Variants in NEO1 observed in about 807,000 individuals in gnomAD.
NEO1 encodes neogenin 1.
NEO1 carries 63 observed loss-of-function variants against 159.7 expected under a neutral mutation model. The ratio of observed to expected loss-of-function variants is 0.39; its 90% CI spans 0.32 to 0.49. The LOEUF is 0.49. Ranked by LOEUF, NEO1 falls within the 20% of genes least tolerant of loss-of-function variation. The pLI is 0.85. For missense variants in NEO1, 1,615 were observed against 1,831.0 expected (o/e 0.88, Z 2.15); for synonymous variants, 633 against 662.0 (o/e 0.96, Z 0.67).
intron 7 of NEO1, among the ~76,000 whole-genome samples, chr15:73,197,495 T>TC (rs1423987163): frequency 6.6e-6 from 1 of 152,136 alleles, no homozygotes; most frequent in Non-Finnish European, 1.5e-5. Context: ...GGTCAATTAC[T>TC]CCATTTCATC....
chr15:73,301,202 T>C (rs1567737388), intron 27 of NEO1, 119 bp from the exon 28 acceptor site: 16 of 1,290,532 alleles, frequency 1.2e-5, no homozygotes, highest in Non-Finnish European at 1.7e-5. Context: ...CAGAGCAGTA[T>C]CCCTGCACTG....
At position 73,167,491 on chromosome 15, in the gene NEO1, C is replaced by T. The variant is rs1379906680; in HGVS notation, c.1016-8912C>T. ...TGGGGGCGGGGGAGGCCCATAGGCC[C>T]CTCAAGGGGTTCCTGCTCCATCTGA... On this transcript the variant is annotated intron_variant, in intron 5 of 28. Transcript: ENST00000261908. 2.6e-5 allele frequency among the ~76,000 whole-genome samples: 4 copies of T among 152,202 alleles called. No homozygotes were observed. In the East Asian group the frequency reaches 5.8e-4, roughly 22 times the overall value.
intron 7 of NEO1, among the ~76,000 whole-genome samples, chr15:73,187,466 A>G (rs538173013): frequency 6.6e-6 from 1 of 152,312 alleles, no homozygotes; most frequent in South Asian, 2.1e-4. Context: ...ATGAGAAATA[A>G]CTTAGAATCA....
chr15:73,202,395 C>T (rs2036949982), intron 7 of NEO1, among the ~76,000 whole-genome samples: 1 of 152,046 alleles, frequency 6.6e-6, no homozygotes, highest in African/African-American at 2.4e-5. Flanking sequence ...TTTTGAAGTC[C>T]TTGTTTTAAT....
chr15:73,249,624 G>GA lies in NEO1; in HGVS notation c.1803dup (p.Tyr602IlefsTer5). ...GTCACTCTTACACCATTAATGGGTTGAAAAAATATACAGAGTATAGTTTCC... is the reference window on the plus strand; with the variant it reads ...GTCACTCTTACACCATTAATGGGTTGAAAAAAATATACAGAGTATAGTTTCC... On this transcript the variant is annotated frameshift_variant, in exon 11 of 29. Coordinates refer to ENST00000261908, the MANE Select transcript of NEO1 (RefSeq NM_002499.4). LOFTEE classifies it high-confidence loss of function. 6.2e-7 allele frequency: 1 copy of GA among 1,613,404 alleles called. No homozygotes were observed. The highest frequency in any genetic ancestry group is 8.5e-7 in the Non-Finnish European group (1 of 1,179,750).
At chr15:73,240,543 T>A (rs1388409389) in intron 8 of NEO1, among the ~76,000 whole-genome samples, 2 of 152,176 alleles carry the variant, frequency 1.3e-5, no homozygotes, top group African/African-American at 2.4e-5. Flanking sequence ...CCAGTGAGAA[T>A]TTGGACATAA....
At chr15:73,213,000 C>T (rs2037666611) in intron 7 of NEO1, among the ~76,000 whole-genome samples, 1 of 143,938 alleles carries the variant, frequency 6.9e-6, no homozygotes, top group South Asian at 2.3e-4. Flanking sequence ...ATGCGCCAAA[C>T]TATTAATAGC....
Position 73,274,730 on chromosome 15 carries a change from T to C in NEO1, c.3193+6T>C. On this transcript the variant is annotated splice_donor_region_variant and intron_variant, in intron 21 of 28. Coordinates refer to ENST00000261908, the MANE Select transcript of NEO1 (RefSeq NM_002499.4). ...TAAAATGCCTAATGATCAAGGTAAA[T>C]GAGTAGATGGCCTCTCTTTTCTTTC... 1 of 1,612,930 alleles carries C rather than the reference T, an allele frequency of 6.2e-7. No homozygotes were observed. The highest frequency in any genetic ancestry group is 8.5e-7 in the Non-Finnish European group (1 of 1,179,326).
chr15:73,220,639 T>C (rs1179606963), intron 7 of NEO1, among the ~76,000 whole-genome samples: 1 of 152,198 alleles, frequency 6.6e-6, no homozygotes, highest in Non-Finnish European at 1.5e-5. Context: ...TTTTATTCTT[T>C]TTTCTCTAAA....
intron 1 of NEO1, among the ~76,000 whole-genome samples, chr15:73,059,705 C>T (rs896141529): frequency 1.3e-5 from 2 of 152,098 alleles, no homozygotes; most frequent in South Asian, 4.1e-4. Context: ...AATAGTGCTG[C>T]TTTCCCTCAT....
chr15:73,135,853 T>G (rs1471076828), intron 4 of NEO1, 38 bp from the exon 5 acceptor site: 1 of 1,466,842 alleles, frequency 6.8e-7, no homozygotes, highest in Non-Finnish European at 9.0e-7. Context: ...TTCCTAGTAC[T>G]GAAATGTATC....
intron 5 of NEO1, among the ~76,000 whole-genome samples, chr15:73,147,336 C>T (rs2032985842): frequency 6.6e-6 from 1 of 152,060 alleles, no homozygotes. Context: ...ATTCTGTTTC[C>T]TCCTTAGATT....
intron 5 of NEO1, among the ~76,000 whole-genome samples, chr15:73,142,443 G>A (rs2032483937): frequency 3.3e-5 from 5 of 152,158 alleles, no homozygotes; most frequent in African/African-American, 1.2e-4. Flanking sequence ...AAGTGGTGGA[G>A]CTTGGAAAGT....
rs550910387 is a variant in NEO1, at chr15:73,121,628, C to T, written c.449-897C>T. Reference sequence around the variant, plus strand: ...TTTTGGTGTCCATTGAGGATTCATACGTGAATCAGTTATTACTATCAAATG... The same window carrying T: ...TTTTGGTGTCCATTGAGGATTCATATGTGAATCAGTTATTACTATCAAATG... On this transcript the variant is annotated intron_variant, in intron 2 of 28. Coordinates refer to ENST00000261908, the MANE Select transcript of NEO1 (RefSeq NM_002499.4). Among the ~76,000 whole-genome samples, 88 of 152,236 alleles carry T rather than the reference C, an allele frequency of 5.8e-4. 1 individual carries two copies. In the South Asian group the frequency reaches 6.6e-3, roughly 11 times the overall value.
chr15:73,201,873 T>C (rs545391396), intron 7 of NEO1, among the ~76,000 whole-genome samples: 4 of 152,156 alleles, frequency 2.6e-5, no homozygotes, highest in African/African-American at 9.6e-5. Flanking sequence ...AGTATTAATA[T>C]AGCTAATTAA....
chr15:73,192,364 G>A (rs773377999), intron 7 of NEO1, among the ~76,000 whole-genome samples: 1 of 151,912 alleles, frequency 6.6e-6, no homozygotes, highest in Non-Finnish European at 1.5e-5. Context: ...TATATTACAG[G>A]TTTATCTTTT....
chr15:73,161,351 T>C lies in NEO1; in HGVS notation c.1016-15052T>C, dbSNP rs190304009. On this transcript the variant is annotated intron_variant, in intron 5 of 28. Coordinates refer to ENST00000261908, the MANE Select transcript of NEO1 (RefSeq NM_002499.4). ...GTTTCTAGGATTTTTTATTGAGTTA[T>C]GTATCTTTTCCCTGATGTAATGTGT... Among the ~76,000 whole-genome samples, 48 of 152,346 alleles carry C rather than the reference T, an allele frequency of 3.2e-4. 1 individual carries two copies. Among genetic ancestry groups the C allele is most frequent in the Admixed American group, 1.2e-3 (19 of 15,304 alleles).
chr15:73,241,705 A>C (rs1297032279), intron 8 of NEO1, among the ~76,000 whole-genome samples: 1 of 152,132 alleles, frequency 6.6e-6, no homozygotes, highest in East Asian at 1.9e-4. Context: ...CTGTAACCCC[A>C]CACACTTAAG....
chr15:73,211,152 C>T (rs1008858089), intron 7 of NEO1, among the ~76,000 whole-genome samples: 24 of 152,038 alleles, frequency 1.6e-4, no homozygotes, highest in African/African-American at 4.8e-4. Flanking sequence ...TGGCCATGAC[C>T]GAATAACTAG....
Sources: allele counts gnomAD v4.1 joint callset (sites outside exome capture counted in the v4.1 genomes callset), GRCh38; gene constraint gnomAD v4.1.1; transcripts MANE v1.5; gene names NCBI Gene and HGNC (gene_info 2026-07-23, HGNC 2026-07-21).